The following DAP variants were observed in gnomAD, a reference collection of about 807,000 sequenced individuals.
DAP encodes death associated protein, also known as death-associated protein 1.
DAP carries 8 observed loss-of-function variants against 13.8 expected under a neutral mutation model. That is an observed-to-expected ratio of 0.58 (90% CI 0.34 to 1.05). The LOEUF (loss-of-function observed/expected upper bound fraction) is 1.05. Ranked by LOEUF, DAP falls within the 50% of genes least tolerant of loss-of-function variation. DAP has a pLI of 0.03. For missense variants in DAP, 106 were observed against 133.2 expected (o/e 0.80, Z 1.01); for synonymous variants, 47 against 47.5 (o/e 0.99, Z 0.04).
chr5:10,741,487 A>G (rs1467277863), intron 2 of DAP, among the ~76,000 whole-genome samples: 3 of 152,196 alleles, frequency 2.0e-5, no homozygotes, highest in African/African-American at 4.8e-5. Context: ...ATTATTTTTT[A>G]TAGTATTGGT....
intron 2 of DAP, among the ~76,000 whole-genome samples, chr5:10,724,580 C>T (rs942573679): frequency 3.3e-5 from 5 of 152,308 alleles, no homozygotes; most frequent in Admixed American, 3.3e-4. Flanking sequence ...GCTTTACACA[C>T]ATTTCAGGTA....
intron 2 of DAP, among the ~76,000 whole-genome samples, chr5:10,711,235 A>G (rs571158926): frequency 6.6e-6 from 1 of 152,286 alleles, no homozygotes; most frequent in South Asian, 2.1e-4. Flanking sequence ...CAGGGCCAAG[A>G]GCAGCGCATG....
intron 2 of DAP, 147 bp from the exon 3 acceptor site, chr5:10,683,718 AATG>A: frequency 1.3e-6 from 1 of 744,706 alleles, no homozygotes. Flanking sequence ...TATTTGTTGT[AATG>A]ATCACACTAC....
chr5:10,742,607 T>A (rs1739789405), intron 2 of DAP, among the ~76,000 whole-genome samples: 1 of 152,196 alleles, frequency 6.6e-6, no homozygotes, highest in Non-Finnish European at 1.5e-5. Context: ...ATTCTTCAGG[T>A]GGGCTTCTAT....
intron 1 of DAP, among the ~76,000 whole-genome samples, chr5:10,759,744 CTTTTTTTT>C (rs1169454640): frequency 4.5e-5 from 4 of 88,228 alleles, no homozygotes; most frequent in Admixed American, 1.6e-4. Flanking sequence ...TAATGGGAAT[CTTTTTTTT>C]TTTTTTTTTT....
intron 2 of DAP, among the ~76,000 whole-genome samples, chr5:10,745,869 C>A (rs796996371): frequency 6.6e-6 from 1 of 152,206 alleles, no homozygotes; most frequent in Admixed American, 6.5e-5. Context: ...GGCAATGACA[C>A]CCCAGGTTTC....
chr5:10,681,689 T>C (rs200593732), intron 3 of DAP, among the ~76,000 whole-genome samples: 2 of 84,660 alleles, frequency 2.4e-5, no homozygotes, highest in Non-Finnish European at 4.7e-5. Flanking sequence ...AAGCATGGGG[T>C]ATGTATGTGA....
chr5:10,714,574 T>C (rs1340137758), intron 2 of DAP, among the ~76,000 whole-genome samples: 1 of 152,076 alleles, frequency 6.6e-6, no homozygotes, highest in African/African-American at 2.4e-5. Flanking sequence ...AGAAAAAAAT[T>C]CAAAAGGATT....
At chr5:10,686,772 G>A (rs554438457) in intron 2 of DAP, among the ~76,000 whole-genome samples, 2 of 152,348 alleles carry the variant, frequency 1.3e-5, no homozygotes, top group East Asian at 1.9e-4. Context: ...GGAAGAAGCT[G>A]CAGCAAGTTC....
intron 3 of DAP, among the ~76,000 whole-genome samples, chr5:10,682,121 C>T (rs1204107996): frequency 8.7e-5 from 13 of 149,432 alleles, no homozygotes; most frequent in African/African-American, 3.2e-4. Flanking sequence ...GAGGAAGTCC[C>T]AGGCCAGCAC....
intron 2 of DAP, among the ~76,000 whole-genome samples, chr5:10,726,572 G>A (rs938321112): frequency 2.0e-5 from 3 of 152,192 alleles, no homozygotes; most frequent in South Asian, 2.1e-4. Context: ...TGCCGGCCCC[G>A]GCCCAGGAGG....
intron 2 of DAP, among the ~76,000 whole-genome samples, chr5:10,726,246 C>T (rs1484778893): frequency 6.6e-6 from 1 of 152,258 alleles, no homozygotes; most frequent in Non-Finnish European, 1.5e-5. Context: ...TACTCACCCA[C>T]AGTGAAAGAA....
At chr5:10,721,520 C>A (rs935308356) in intron 2 of DAP, among the ~76,000 whole-genome samples, 10 of 152,280 alleles carry the variant, frequency 6.6e-5, no homozygotes, top group African/African-American at 2.2e-4. Flanking sequence ...TACAACTCCA[C>A]AACAGAGATA....
At chr5:10,732,276 C>T (rs1163844159) in intron 2 of DAP, among the ~76,000 whole-genome samples, 1 of 152,204 alleles carries the variant, frequency 6.6e-6, no homozygotes, top group East Asian at 1.9e-4. Context: ...ATGCAACCCA[C>T]CACCACCATC....
intron 2 of DAP, among the ~76,000 whole-genome samples, chr5:10,746,714 G>A (rs1739914783): frequency 6.6e-6 from 1 of 152,138 alleles, no homozygotes; most frequent in Admixed American, 6.5e-5. Flanking sequence ...GATTTAAAAT[G>A]GACAATAATC....
In DAP at chr5:10,707,107, A is replaced by C. The variant is rs752952790; in HGVS notation, c.153-23536T>G. On this transcript the variant is annotated intron_variant, in intron 2 of 3. Coordinates refer to ENST00000230895, the MANE Select transcript of DAP (RefSeq NM_004394.3). This position sits in a 1 kb window ranked among gnomAD's most constrained non-coding sequence, Gnocchi z 4.0. ...TCAGTCGGCCAGTTTGCAACGTCTGAGGTGGCTGGGGCTCAATGTCAAATG... is the reference window on the plus strand; with the variant it reads ...TCAGTCGGCCAGTTTGCAACGTCTGCGGTGGCTGGGGCTCAATGTCAAATG... Among the ~76,000 whole-genome samples, 1 of 152,230 alleles carries C rather than the reference A, an allele frequency of 6.6e-6. No homozygotes were observed. The highest frequency in any genetic ancestry group is 1.5e-5 in the Non-Finnish European group (1 of 68,030).
chr5:10,739,210 A>C (rs1214436565), intron 2 of DAP, among the ~76,000 whole-genome samples: 26 of 148,236 alleles, frequency 1.8e-4, no homozygotes, highest in African/African-American at 6.2e-4. Context: ...TCAAAAAAAA[A>C]AAAAAAAAAA....
At chr5:10,703,834 G>T (rs1487403582) in intron 2 of DAP, among the ~76,000 whole-genome samples, 1 of 152,264 alleles carries the variant, frequency 6.6e-6, no homozygotes, top group Non-Finnish European at 1.5e-5. Flanking sequence ...AGAGGACAGC[G>T]CAGGGCGTGG....
chr5:10,687,449 G>A (rs1218285757), intron 2 of DAP, among the ~76,000 whole-genome samples: 1 of 152,198 alleles, frequency 6.6e-6, no homozygotes, highest in Non-Finnish European at 1.5e-5. Context: ...AATATTAACA[G>A]GAGTTTGGAA....
Sources: gnomAD v4.1 joint callset for allele counts (sites outside exome capture counted in the v4.1 genomes callset) on GRCh38, gnomAD v4.1.1 for gene constraint, Gnocchi (gnomAD v3.1) non-coding constraint, MANE v1.5 for transcripts, NCBI Gene and HGNC (gene_info 2026-07-23, HGNC 2026-07-21) for gene names.